Variants in INPP4B observed in about 807,000 individuals in gnomAD.
INPP4B encodes the protein inositol polyphosphate 4-phosphatase type II.
A neutral mutation model predicts 122.5 loss-of-function variants in INPP4B; 55 were observed. That is an observed-to-expected ratio of 0.45 (90% CI 0.36 to 0.56). The LOEUF (loss-of-function observed/expected upper bound fraction) is 0.56. INPP4B is among the 20% of genes least tolerant of loss of function. The pLI is 0.00. For synonymous variants in INPP4B, 403 were observed against 388.7 expected (o/e 1.04, Z -0.43); for missense variants, 1,000 against 1,097.7 (o/e 0.91, Z 1.26).
At chr4:142,206,265 G>A (rs1202697804) in intron 14 of INPP4B, among the ~76,000 whole-genome samples, 1 of 151,796 alleles carries the variant, frequency 6.6e-6, no homozygotes, top group Non-Finnish European at 1.5e-5. Flanking sequence ...GTTGCACTGG[G>A]GATTAAGTTT....
chr4:142,753,978 C>T (rs1303649863), intron 1 of INPP4B, among the ~76,000 whole-genome samples: 1 of 151,998 alleles, frequency 6.6e-6, no homozygotes, highest in Non-Finnish European at 1.5e-5. Context: ...CAATCCAGCT[C>T]CTAATAATTT....
intron 2 of INPP4B, among the ~76,000 whole-genome samples, chr4:142,463,195 T>C (rs1817066106): frequency 6.6e-6 from 1 of 152,246 alleles, no homozygotes; most frequent in East Asian, 1.9e-4. Flanking sequence ...GTGTTTTGTA[T>C]GCATGAGGCC....
At chr4:142,092,224 A>G (rs4388159) in intron 23 of INPP4B, among the ~76,000 whole-genome samples, 38,226 of 152,088 alleles carry the variant, frequency 0.25, 4,860 homozygotes, top group East Asian at 0.3. Context: ...AAGACCAGAC[A>G]TAGGATAAAA....
intron 3 of INPP4B, among the ~76,000 whole-genome samples, chr4:142,432,628 T>A (rs1474797638): frequency 6.6e-6 from 1 of 152,116 alleles, no homozygotes. Context: ...TCTTTTCTGA[T>A]AAGAACACAC....
intron 2 of INPP4B, among the ~76,000 whole-genome samples, chr4:142,589,823 A>C (rs1009052552): frequency 6.6e-6 from 1 of 152,148 alleles, no homozygotes; most frequent in Non-Finnish European, 1.5e-5. Flanking sequence ...ACTACATGCA[A>C]ATTTTTATTG....
In INPP4B at chr4:142,531,796, A is replaced by T. The variant is rs1242007440; in HGVS notation, c.-190-69070T>A. On this transcript the variant is annotated intron_variant, in intron 2 of 25. Coordinates refer to ENST00000262992, the MANE Select transcript of INPP4B (RefSeq NM_001101669.3). The stretch of plus-strand genomic sequence containing the variant: ...CAAGTCAGTGGTAGACTATTTCTCA[A>T]CAAAGGAGCCAGAATTTGTTAATGA... Among the ~76,000 whole-genome samples the T allele has an allele frequency of 7.9e-5, 12 of 152,144 alleles. 1 individual carries two copies. Among genetic ancestry groups the T allele is most frequent in the Non-Finnish European group, 4.4e-5 (3 of 68,024 alleles).
At chr4:142,440,134 AC>A in intron 3 of INPP4B, among the ~76,000 whole-genome samples, 1 of 152,316 alleles carries the variant, frequency 6.6e-6, no homozygotes, top group African/African-American at 2.4e-5. Flanking sequence ...TATTGTATAA[AC>A]AAACATTTAT....
At chr4:142,788,987 A>T (rs1400325276) in intron 1 of INPP4B, among the ~76,000 whole-genome samples, 1 of 152,164 alleles carries the variant, frequency 6.6e-6, no homozygotes, top group East Asian at 1.9e-4. Context: ...CAAAAACCAG[A>T]TGATCATCTC....
chr4:142,179,424 G>C (rs955987442), intron 15 of INPP4B, among the ~76,000 whole-genome samples: 8 of 130,386 alleles, frequency 6.1e-5, no homozygotes, highest in Admixed American at 9.3e-5. Flanking sequence ...AGTGAGCCAA[G>C]ATCGCCCCAC....
chr4:142,251,271 T>C (rs1337103519), intron 11 of INPP4B, among the ~76,000 whole-genome samples: 1 of 152,200 alleles, frequency 6.6e-6, no homozygotes, highest in East Asian at 1.9e-4. Flanking sequence ...CTTATAATTA[T>C]AGTATAGATG....
At chr4:142,588,411 A>C (rs543032088) in intron 2 of INPP4B, among the ~76,000 whole-genome samples, 46 of 151,798 alleles carry the variant, frequency 3.0e-4, no homozygotes, top group Non-Finnish European at 4.1e-4. Context: ...AATACTAAAG[A>C]ACTAATTACA....
At chr4:142,444,826 C>T (rs1580080400) in intron 3 of INPP4B, among the ~76,000 whole-genome samples, 3 of 151,966 alleles carry the variant, frequency 2.0e-5, no homozygotes, top group South Asian at 2.1e-4. Flanking sequence ...GAGTATGCAG[C>T]CACAAAAAGA....
At chr4:142,543,786 T>C (rs1829215369) in intron 2 of INPP4B, among the ~76,000 whole-genome samples, 4 of 152,172 alleles carry the variant, frequency 2.6e-5, no homozygotes, top group Non-Finnish European at 5.9e-5. Context: ...TCTGAAATAT[T>C]TTAAAACTGT....
chr4:142,247,947 G>T (rs893393602), intron 11 of INPP4B, among the ~76,000 whole-genome samples: 1 of 152,058 alleles, frequency 6.6e-6, no homozygotes, highest in Non-Finnish European at 1.5e-5. Flanking sequence ...TACACCTGTT[G>T]TTTACCATTT....
At chr4:142,731,125 C>T (rs1021721056) in intron 1 of INPP4B, among the ~76,000 whole-genome samples, 1 of 152,102 alleles carries the variant, frequency 6.6e-6, no homozygotes, top group Non-Finnish European at 1.5e-5. Flanking sequence ...GATGGTATCC[C>T]TTCCCCCACC....
chr4:142,034,734 A>G (rs1434578423), intron 25 of INPP4B, among the ~76,000 whole-genome samples: 1 of 152,020 alleles, frequency 6.6e-6, no homozygotes, highest in African/African-American at 2.4e-5. Context: ...CTCTGCTCAG[A>G]GCACCAGGCA....
At chr4:142,297,360 T>C (rs984499165) in intron 9 of INPP4B, among the ~76,000 whole-genome samples, 17 of 152,318 alleles carry the variant, frequency 1.1e-4, no homozygotes, top group African/African-American at 3.8e-4. Flanking sequence ...CCAAGTAACA[T>C]AGTTTGGATG....
At chr4:142,597,915 T>C (rs1560846492) in intron 2 of INPP4B, among the ~76,000 whole-genome samples, 1 of 152,046 alleles carries the variant, frequency 6.6e-6, no homozygotes, top group Non-Finnish European at 1.5e-5. Flanking sequence ...TATTCTAGTA[T>C]AAAAAACAAA....
intron 23 of INPP4B, among the ~76,000 whole-genome samples, chr4:142,099,740 C>A (rs1561114771): frequency 6.6e-6 from 1 of 152,100 alleles, no homozygotes; most frequent in Non-Finnish European, 1.5e-5. Context: ...ACAGAATCAT[C>A]ATTACTGCTG....
Sources: allele counts gnomAD v4.1 joint callset (sites outside exome capture counted in the v4.1 genomes callset), GRCh38; gene constraint gnomAD v4.1.1; transcripts MANE v1.5; gene names NCBI Gene and HGNC (gene_info 2026-07-23, HGNC 2026-07-21).